LINGO2: variants seen among roughly 807,000 people sequenced by gnomAD.
LINGO2 encodes leucine rich repeat and Ig domain containing 2.
In LINGO2, 14 loss-of-function variants were observed where a neutral mutation model predicts 30.6. The ratio of observed to expected loss-of-function variants is 0.46; its 90% CI spans 0.30 to 0.72. LINGO2 has a LOEUF of 0.72. Among genes scored for constraint, LINGO2 ranks in the 30% least tolerant of loss-of-function variants. The pLI, the probability that LINGO2 is intolerant of heterozygous loss-of-function variation, is 0.07. For missense variants in LINGO2, 729 were observed against 751.7 expected (o/e 0.97, Z 0.35); for synonymous variants, 317 against 288.5 (o/e 1.10, Z -1.00).
chr9:28,928,882 G>T, the LINGO2 span, among the ~76,000 whole-genome samples: 10 of 152,254 alleles, frequency 6.6e-5, no homozygotes, highest in Admixed American at 5.9e-4. Flanking sequence ...CTGCACTCCT[G>T]CCCAGGGGTT....
the LINGO2 span, among the ~76,000 whole-genome samples, chr9:28,795,893 A>G: frequency 5.9e-5 from 9 of 151,892 alleles, no homozygotes; most frequent in African/African-American, 1.9e-4. Context: ...ATGCCTGTGA[A>G]TCATCTATTA....
Position 28,050,058 on chromosome 9 carries a change from C to A in LINGO2, c.-86-37653G>T, listed in dbSNP as rs1281893419. Among the ~76,000 whole-genome samples the A allele has an allele frequency of 5.3e-5, 8 of 150,542 alleles. 1 individual carries two copies. The highest frequency in any genetic ancestry group is 2.1e-4 in the South Asian group (1 of 4,700). On this transcript the variant is annotated intron_variant, in intron 4 of 5. Coordinates refer to ENST00000379992, the Ensembl canonical transcript of LINGO2. ...ATGAGGAAATGGTTGGAGAAATATT[C>A]ATCAGGTAAAAAGGTAGGGCTTTGT...
chr9:28,371,900 G>C lies in LINGO2; in HGVS notation c.-246+936C>G, dbSNP rs7855389. Among the ~76,000 whole-genome samples, 8 of 151,928 alleles carry C rather than the reference G, an allele frequency of 5.3e-5. No homozygotes were observed. In the South Asian group the frequency reaches 1.7e-3, roughly 31 times the overall value. On this transcript the variant is annotated intron_variant, in intron 3 of 5. Coordinates refer to ENST00000379992, the Ensembl canonical transcript of LINGO2. Reference sequence around the variant, plus strand: ...GCAAGTTAAAATCGAATACCTGTTAGAATAGGTGAAGGTTTATTGCTAGTA... The same window carrying C: ...GCAAGTTAAAATCGAATACCTGTTACAATAGGTGAAGGTTTATTGCTAGTA...
At chr9:28,730,436 C>A in the LINGO2 span, among the ~76,000 whole-genome samples, 2 of 152,220 alleles carry the variant, frequency 1.3e-5, no homozygotes, top group Middle Eastern at 3.4e-3. Flanking sequence ...TAAATCTGTC[C>A]TGATCAAAAT....
At chr9:28,492,594 A>T (rs973754951) in intron 1 of LINGO2, among the ~76,000 whole-genome samples, 1 of 152,166 alleles carries the variant, frequency 6.6e-6, no homozygotes, top group Non-Finnish European at 1.5e-5. Flanking sequence ...GGTCTTTTCC[A>T]AAGTTCTACT....
intron 4 of LINGO2, among the ~76,000 whole-genome samples, chr9:28,177,029 A>G (rs989302753): frequency 1.1e-4 from 16 of 152,210 alleles, no homozygotes; most frequent in African/African-American, 3.9e-4. Flanking sequence ...TTGCGATAGC[A>G]TTTACCAAGT....
At chr9:27,964,729 T>C (rs1318338096) in intron 5 of LINGO2, among the ~76,000 whole-genome samples, 2 of 152,082 alleles carry the variant, frequency 1.3e-5, no homozygotes, top group African/African-American at 2.4e-5. Flanking sequence ...CTCAGTCCTT[T>C]TGTGTAGCAA....
chr9:28,220,932 G>C (rs576987509), intron 4 of LINGO2, among the ~76,000 whole-genome samples: 1 of 152,256 alleles, frequency 6.6e-6, no homozygotes, highest in East Asian at 1.9e-4. Context: ...ATTACAGTTA[G>C]TAGGAATAAA....
the LINGO2 span, among the ~76,000 whole-genome samples, chr9:29,176,362 T>C: frequency 1.6e-3 from 247 of 152,280 alleles, no homozygotes; most frequent in African/African-American, 5.3e-3. Flanking sequence ...ACCCGAAACA[T>C]AGCTAGTTAG....
At chr9:28,152,813 G>T (rs1352940462) in intron 4 of LINGO2, among the ~76,000 whole-genome samples, 2 of 152,114 alleles carry the variant, frequency 1.3e-5, no homozygotes, top group African/African-American at 2.4e-5. Context: ...GACAGAAAAT[G>T]CTTGAAACAT....
intron 4 of LINGO2, among the ~76,000 whole-genome samples, chr9:28,060,410 T>C (rs1423346808): frequency 6.6e-6 from 1 of 152,208 alleles, no homozygotes; most frequent in African/African-American, 2.4e-5. Context: ...TATGTGCCAG[T>C]ACTTTTGTAA....
the LINGO2 span, among the ~76,000 whole-genome samples, chr9:28,783,092 C>A: frequency 6.3e-3 from 960 of 152,242 alleles, 10 homozygotes; most frequent in African/African-American, 0.022. Flanking sequence ...AGTTATTGAA[C>A]AGAAACATTT....
intron 3 of LINGO2, among the ~76,000 whole-genome samples, chr9:28,333,686 T>G (rs1175694672): frequency 2.0e-5 from 3 of 152,158 alleles, no homozygotes; most frequent in Non-Finnish European, 4.4e-5. Context: ...TAATGAACTT[T>G]CAAAATATAA....
chr9:28,786,857 C>T, the LINGO2 span, among the ~76,000 whole-genome samples: 25 of 152,170 alleles, frequency 1.6e-4, 1 homozygote, highest in East Asian at 5.8e-4. Context: ...GGATTTTTGA[C>T]GGGTAAGCAG....
At chr9:28,698,832 C>A in the LINGO2 span, among the ~76,000 whole-genome samples, 1 of 151,784 alleles carries the variant, frequency 6.6e-6, no homozygotes, top group African/African-American at 2.4e-5. Context: ...GCTTGAGGCC[C>A]AGAGTTCAAG....
intron 4 of LINGO2, among the ~76,000 whole-genome samples, chr9:28,196,758 C>A (rs12236635): frequency 0.083 from 12,590 of 151,752 alleles, 691 homozygotes; most frequent in East Asian, 0.2. Context: ...TAAAGGTTAC[C>A]TGGAACTGGA....
the LINGO2 span, among the ~76,000 whole-genome samples, chr9:28,989,753 G>A: frequency 6.6e-6 from 1 of 152,162 alleles, no homozygotes; most frequent in Non-Finnish European, 1.5e-5. Flanking sequence ...TATATATGTT[G>A]TTTCCCTGGA....
the LINGO2 span, among the ~76,000 whole-genome samples, chr9:28,831,172 A>G: frequency 6.6e-6 from 1 of 152,248 alleles, no homozygotes; most frequent in African/African-American, 2.4e-5. Flanking sequence ...TAACACAAAC[A>G]TAGGAATATG....
intron 1 of LINGO2, among the ~76,000 whole-genome samples, chr9:28,634,015 C>A (rs1185492910): frequency 1.3e-5 from 2 of 152,074 alleles, no homozygotes; most frequent in East Asian, 1.9e-4. Flanking sequence ...TAAGCAGAGA[C>A]CAAGGGCTCT....
Sources: allele counts gnomAD v4.1 joint callset (sites outside exome capture counted in the v4.1 genomes callset), GRCh38; gene constraint gnomAD v4.1.1; transcripts MANE v1.5; gene names NCBI Gene and HGNC (gene_info 2026-07-23, HGNC 2026-07-21).